GALNT13: variants seen among roughly 807,000 people sequenced by gnomAD.
GALNT13 encodes the protein UDP-GalNAc:polypeptide N-acetylgalactosaminyltransferase 13.
Under a neutral mutation model 64.2 loss-of-function variants are expected in GALNT13, and 28 were observed. The observed-to-expected ratio is 0.44, with a 90% confidence interval of 0.32 to 0.60. The LOEUF is 0.60. GALNT13 is among the 20% of genes least tolerant of loss of function. GALNT13 has a pLI of 0.05. For synonymous variants in GALNT13, 214 were observed against 224.6 expected, an observed-to-expected ratio of 0.95 and a Z score of 0.42; for missense variants, 577 against 669.8, an observed-to-expected ratio of 0.86 and a Z score of 1.53.
chr2:153,762,490 C>G, the GALNT13 span: 1 of 156,918 alleles, frequency 6.4e-6, no homozygotes, highest in East Asian at 1.9e-4. Flanking sequence ...TCAGAAATAA[C>G]TTTGTAAACT....
the GALNT13 span, among the ~76,000 whole-genome samples, chr2:153,716,310 T>C: frequency 2.6e-5 from 4 of 152,194 alleles, no homozygotes; most frequent in Non-Finnish European, 4.4e-5. Context: ...CCCAAACAAA[T>C]TTGTAAACTT....
the GALNT13 span, among the ~76,000 whole-genome samples, chr2:153,410,198 A>G: frequency 6.7e-6 from 1 of 149,396 alleles, no homozygotes; most frequent in Non-Finnish European, 1.5e-5. Context: ...TGATCCTCCC[A>G]CCTCATCCCC....
At chr2:153,239,177 T>C in the GALNT13 span, among the ~76,000 whole-genome samples, 2 of 152,288 alleles carry the variant, frequency 1.3e-5, no homozygotes, top group African/African-American at 2.4e-5. Context: ...GATTTTAGTA[T>C]GGTGATTTTG....
the GALNT13 span, among the ~76,000 whole-genome samples, chr2:153,851,466 T>A: frequency 6.6e-6 from 1 of 151,848 alleles, no homozygotes; most frequent in Non-Finnish European, 1.5e-5. Flanking sequence ...TTTGGGAGGC[T>A]AAGGTTGAAG....
the GALNT13 span, among the ~76,000 whole-genome samples, chr2:153,073,875 T>A: frequency 6.6e-6 from 1 of 152,132 alleles, no homozygotes; most frequent in Non-Finnish European, 1.5e-5. Flanking sequence ...CCTCCCTTTA[T>A]AATTTGTTTT....
intron 3 of GALNT13, among the ~76,000 whole-genome samples, chr2:153,983,544 T>C (rs548101764): frequency 2.0e-5 from 3 of 152,050 alleles, no homozygotes; most frequent in Middle Eastern, 6.8e-3. Context: ...ATCTATGACA[T>C]ACACTGAAAC....
chr2:153,797,102 G>T, the GALNT13 span, among the ~76,000 whole-genome samples: 1 of 152,174 alleles, frequency 6.6e-6, no homozygotes, highest in Non-Finnish European at 1.5e-5. Context: ...TAACATGAAA[G>T]CTAGCACTCA....
intron 11 of GALNT13, among the ~76,000 whole-genome samples, chr2:154,424,961 CTT>C (rs1333680493): frequency 2.6e-5 from 4 of 152,146 alleles, no homozygotes; most frequent in African/African-American, 9.7e-5. Flanking sequence ...ATCTAGAAAA[CTT>C]TGGTATTATT....
the GALNT13 span, among the ~76,000 whole-genome samples, chr2:153,436,087 A>T: frequency 2.0e-5 from 3 of 152,130 alleles, no homozygotes; most frequent in African/African-American, 4.8e-5. Context: ...TGAGATAATC[A>T]TGTGGTTTTT....
the GALNT13 span, among the ~76,000 whole-genome samples, chr2:153,390,377 G>A: frequency 6.6e-6 from 1 of 152,088 alleles, no homozygotes; most frequent in South Asian, 2.1e-4. Context: ...GGGTTGATGG[G>A]TGCAGCAAAC....
At chr2:154,116,757 A>G (rs563203321) in intron 3 of GALNT13, among the ~76,000 whole-genome samples, 2 of 152,270 alleles carry the variant, frequency 1.3e-5, no homozygotes, top group African/African-American at 4.8e-5. Context: ...GGGTTTAATC[A>G]TATTAAGCAG....
At chr2:153,751,065 C>T in the GALNT13 span, among the ~76,000 whole-genome samples, 12 of 151,956 alleles carry the variant, frequency 7.9e-5, no homozygotes, top group South Asian at 2.3e-3. Context: ...TCTTCATTGA[C>T]CCACTGGTCA....
At chr2:153,737,581 A>G in the GALNT13 span, among the ~76,000 whole-genome samples, 1 of 152,088 alleles carries the variant, frequency 6.6e-6, no homozygotes, top group African/African-American at 2.4e-5. Context: ...CTATTTTTAA[A>G]AACTTAGGAA....
the GALNT13 span, among the ~76,000 whole-genome samples, chr2:153,199,366 CT>C: frequency 6.6e-6 from 1 of 152,216 alleles, no homozygotes; most frequent in African/African-American, 2.4e-5. Context: ...TTATCCCTCA[CT>C]CATCCCGGTT....
chr2:153,152,941 G>A, the GALNT13 span, among the ~76,000 whole-genome samples: 1 of 152,140 alleles, frequency 6.6e-6, no homozygotes, highest in Admixed American at 6.6e-5. Flanking sequence ...GGATTGCTGA[G>A]TCAAATGGCA....
chr2:154,138,940 ATGAT>A (rs1234207784), intron 3 of GALNT13, among the ~76,000 whole-genome samples: 1 of 152,122 alleles, frequency 6.6e-6, no homozygotes, highest in Non-Finnish European at 1.5e-5. Flanking sequence ...TTTAAAGTGA[ATGAT>A]AATCTTTGTA....
At chr2:153,216,923 A>G in the GALNT13 span, among the ~76,000 whole-genome samples, 1 of 151,918 alleles carries the variant, frequency 6.6e-6, no homozygotes, top group Admixed American at 6.6e-5. Flanking sequence ...TAGAAATCTT[A>G]TAGTTTTAGG....
intron 1 of GALNT13, among the ~76,000 whole-genome samples, chr2:153,884,785 A>G (rs12988220): frequency 0.22 from 27,441 of 122,404 alleles, 3,694 homozygotes; most frequent in Middle Eastern, 0.36. Context: ...ATATATATAT[A>G]TGTGTGTGTA....
intron 3 of GALNT13, among the ~76,000 whole-genome samples, chr2:153,990,620 A>G (rs1695097631): frequency 1.3e-5 from 2 of 152,150 alleles, no homozygotes; most frequent in African/African-American, 4.8e-5. Flanking sequence ...CTGGCATAAC[A>G]TTCATTACAT....
Sources: allele counts gnomAD v4.1 joint callset (sites outside exome capture counted in the v4.1 genomes callset), GRCh38; gene constraint gnomAD v4.1.1; transcripts MANE v1.5; gene names NCBI Gene and HGNC (gene_info 2026-07-23, HGNC 2026-07-21).